CSMD1: variants seen among roughly 807,000 people sequenced by gnomAD.
The protein encoded by CSMD1 is CUB and Sushi multiple domains 1.
CSMD1 carries 213 observed loss-of-function variants against 417.5 expected under a neutral mutation model. The ratio of observed to expected loss-of-function variants is 0.51; its 90% confidence interval spans 0.46 to 0.57. The LOEUF (loss-of-function observed/expected upper bound fraction) is 0.57, where lower values mean the gene tolerates loss of function less well. Ranked by LOEUF, CSMD1 falls within the 20% of genes least tolerant of loss-of-function variation. The pLI is 0.00. For synonymous variants in CSMD1, 2,862 were observed against 1,736.8 expected, an observed-to-expected ratio of 1.65 and a Z score of -16.11; for missense variants, 6,923 against 4,529.7, an observed-to-expected ratio of 1.53 and a Z score of -15.17.
intron 3 of CSMD1, among the ~76,000 whole-genome samples, chr8:4,037,833 T>A (rs1401506157): frequency 6.6e-6 from 1 of 152,032 alleles, no homozygotes; most frequent in East Asian, 1.9e-4. Flanking sequence ...TATATAAATA[T>A]TAATATATTA....
At chr8:4,723,384 T>C (rs533831360) in intron 1 of CSMD1, among the ~76,000 whole-genome samples, 4 of 152,242 alleles carry the variant, frequency 2.6e-5, no homozygotes, top group African/African-American at 4.8e-5. Flanking sequence ...GAAAAACATG[T>C]TGCCATTTCT....
At chr8:4,334,170 G>A (rs1800028116) in intron 3 of CSMD1, among the ~76,000 whole-genome samples, 1 of 152,092 alleles carries the variant, frequency 6.6e-6, no homozygotes, top group Admixed American at 6.6e-5. Context: ...GCTTCCCAAA[G>A]TGCTGGGATT....
intron 2 of CSMD1, among the ~76,000 whole-genome samples, chr8:4,612,028 T>C (rs1433043396): frequency 6.6e-6 from 1 of 152,116 alleles, no homozygotes; most frequent in Non-Finnish European, 1.5e-5. Flanking sequence ...CTAATTGGAA[T>C]GAAAAGAAAG....
At chr8:3,185,919 T>C (rs2589290) in intron 36 of CSMD1, among the ~76,000 whole-genome samples, 68,771 of 152,022 alleles carry the variant, frequency 0.45, 15,754 homozygotes, top group South Asian at 0.58. Context: ...ACAGACTGCA[T>C]GGCTCCCGTG....
intron 3 of CSMD1, among the ~76,000 whole-genome samples, chr8:4,229,262 T>C (rs1287480224): frequency 6.6e-6 from 1 of 152,176 alleles, no homozygotes; most frequent in East Asian, 1.9e-4. Context: ...GCTGAGATGC[T>C]GAGCAATCCT....
chr8:4,455,342 A>G (rs916226128), intron 2 of CSMD1, among the ~76,000 whole-genome samples: 1 of 152,188 alleles, frequency 6.6e-6, no homozygotes, highest in African/African-American at 2.4e-5. Flanking sequence ...GTAACAAGCA[A>G]ACTAAGTGAC....
chr8:4,756,295 A>T (rs1811662537), intron 1 of CSMD1, among the ~76,000 whole-genome samples: 1 of 152,172 alleles, frequency 6.6e-6, no homozygotes, highest in Non-Finnish European at 1.5e-5. Flanking sequence ...CAAAATTGAG[A>T]AAGTTTTAAA....
intron 2 of CSMD1, among the ~76,000 whole-genome samples, chr8:4,632,505 T>C (rs1802581583): frequency 6.6e-6 from 1 of 151,888 alleles, no homozygotes; most frequent in South Asian, 2.1e-4. Flanking sequence ...AGAGCAAAAC[T>C]CCATCATGGG....
In CSMD1 at chr8:4,988,373, A is replaced by C. The variant is rs563820362; in HGVS notation, c.85+5959T>G. On this transcript the variant is annotated intron_variant, in intron 1 of 69. Coordinates refer to ENST00000635120, the MANE Select transcript of CSMD1 (RefSeq NM_033225.6). ...CTTTTATAACTTTTACCAAGCTAAA[A>C]CTAGTTCAGGATTTCAACCAGTAAA... Among the ~76,000 whole-genome samples the C allele has an allele frequency of 1.3e-4, 20 of 152,310 alleles. 1 individual carries two copies. In the East Asian group the frequency reaches 3.5e-3, roughly 26 times the overall value.
At chr8:4,824,103 C>G in intron 1 of CSMD1, among the ~76,000 whole-genome samples, 1 of 151,814 alleles carries the variant, frequency 6.6e-6, no homozygotes, top group Non-Finnish European at 1.5e-5. Flanking sequence ...CACACACACA[C>G]ACACACACTC....
rs533986968 is a variant in CSMD1 at position 2,999,563 on chromosome 8, T to C, written c.8203+395A>G. Among the ~76,000 whole-genome samples, 264 of 152,298 alleles carry C rather than the reference T, an allele frequency of 1.7e-3. 1 individual carries two copies. The highest frequency in any genetic ancestry group is 5.4e-3 in the South Asian group (26 of 4,820). On this transcript the variant is annotated intron_variant, in intron 53 of 69. Transcript: ENST00000635120. ...ACGGATGAGGCAGGGAGTGCCGCTG[T>C]TTCTAGGACTGCAAAGCTGCCCAGC...
chr8:2,992,284 G>C (rs1011821684), intron 54 of CSMD1, among the ~76,000 whole-genome samples: 4 of 152,162 alleles, frequency 2.6e-5, no homozygotes, highest in African/African-American at 9.7e-5. Context: ...CTGCTTATGG[G>C]CTTAGCGTTT....
At chr8:4,661,911 A>C (rs1585410524) in intron 1 of CSMD1, among the ~76,000 whole-genome samples, 1 of 152,190 alleles carries the variant, frequency 6.6e-6, no homozygotes, top group African/African-American at 2.4e-5. Context: ...GTAAATCACA[A>C]TCAGTATCTT....
intron 40 of CSMD1, among the ~76,000 whole-genome samples, chr8:3,147,080 G>A (rs1286168074): frequency 3.3e-5 from 5 of 152,162 alleles, no homozygotes; most frequent in Non-Finnish European, 2.9e-5. Context: ...AACGCTTACT[G>A]GTAGGACAGC....
At chr8:3,088,521 G>T (rs1356045025) in intron 48 of CSMD1, among the ~76,000 whole-genome samples, 1 of 152,130 alleles carries the variant, frequency 6.6e-6, no homozygotes, top group African/African-American at 2.4e-5. Flanking sequence ...CTATCATAGT[G>T]GTGCCCAGAA....
At chr8:2,951,354 TCA>T (rs1802617432) in intron 65 of CSMD1, 79 bp from the exon 66 acceptor site, 1 of 1,398,862 alleles carries the variant, frequency 7.1e-7, no homozygotes, top group Admixed American at 2.4e-5. Flanking sequence ...ACAGAAGGCA[TCA>T]TACTGCTTAG....
rs937924310 is a variant in CSMD1, at chr8:4,404,025, A to C, written c.415+15928T>G. ...AATTAGCAAACTCGATTGGTATTAA[A>C]GTTAAAATACATCCAGACTTATCCA... On this transcript the variant is annotated intron_variant, in intron 3 of 69. Transcript: ENST00000635120. Among the ~76,000 whole-genome samples, 3 of 152,292 alleles carry C rather than the reference A, an allele frequency of 2.0e-5. No homozygotes were observed. The East Asian group carries it at 5.8e-4, about 29-fold the overall frequency.
intron 3 of CSMD1, among the ~76,000 whole-genome samples, chr8:4,344,492 T>C (rs966875707): frequency 6.6e-6 from 1 of 151,646 alleles, no homozygotes; most frequent in African/African-American, 2.4e-5. Flanking sequence ...TCTCAATCTA[T>C]TTTTTCATTT....
At chr8:3,295,229 A>G (rs1427771154) in intron 25 of CSMD1, among the ~76,000 whole-genome samples, 1 of 151,958 alleles carries the variant, frequency 6.6e-6, no homozygotes, top group Non-Finnish European at 1.5e-5. Context: ...GGTTCATGCC[A>G]TTCTCCTGCC....
Sources: gnomAD v4.1 joint callset for allele counts (sites outside exome capture counted in the v4.1 genomes callset) on GRCh38, gnomAD v4.1.1 for gene constraint, MANE v1.5 for transcripts, NCBI Gene and HGNC (gene_info 2026-07-23, HGNC 2026-07-21) for gene names.